The following TRHDE variants were observed in gnomAD, a reference collection of about 807,000 sequenced individuals.
The protein encoded by TRHDE is thyrotropin-releasing hormone-degrading ectoenzyme.
Under a neutral mutation model 125.7 loss-of-function variants are expected in TRHDE, and 72 were observed. That is an observed-to-expected ratio of 0.57 (90% CI 0.47 to 0.70). The LOEUF is 0.70. Ranked by LOEUF, TRHDE falls within the 30% of genes least tolerant of loss-of-function variation. The pLI is 0.00. For missense variants in TRHDE, 1,110 were observed against 1,327.1 expected (o/e 0.84, Z 2.54); for synonymous variants, 509 against 509.1 (o/e 1.00, Z 0.00).
rs1033508640 is a variant in TRHDE at position 72,664,019 on chromosome 12, ATTCT to A, written c.*829_*832del. Reference sequence around the variant, plus strand: ...GCTTCAAGGAATTTATCTCAACATTATTCTTTCTATGTCCTAACTAAATTTCTCA... The same window carrying A: ...GCTTCAAGGAATTTATCTCAACATTATTCTATGTCCTAACTAAATTTCTCA... On this transcript the variant is annotated 3_prime_UTR_variant, in exon 19 of 19. Coordinates refer to ENST00000261180, the MANE Select transcript of TRHDE (RefSeq NM_013381.3). 1.1e-4 allele frequency: 16 copies of A among 152,110 alleles called. No individual in the cohort carries two copies. The highest frequency in any genetic ancestry group is 3.6e-4 in the African/African-American group (15 of 41,438). 9.4% of individuals were successfully genotyped at this position (152,110 alleles called of 1,614,324 possible).
At chr12:72,372,438 G>C (rs960629802) in intron 2 of TRHDE, among the ~76,000 whole-genome samples, 1 of 152,066 alleles carries the variant, frequency 6.6e-6, no homozygotes, top group Non-Finnish European at 1.5e-5. Flanking sequence ...CATTGCTTTT[G>C]GTGTTTTAGA....
intron 2 of TRHDE, among the ~76,000 whole-genome samples, chr12:72,364,240 A>T (rs1283195567): frequency 6.6e-6 from 1 of 152,038 alleles, no homozygotes; most frequent in Non-Finnish European, 1.5e-5. Flanking sequence ...AGGTATGAGA[A>T]CTGATACAAT....
chr12:72,248,945 A>G (rs1344942481), intron 2 of TRHDE, among the ~76,000 whole-genome samples: 1 of 152,212 alleles, frequency 6.6e-6, no homozygotes, highest in Non-Finnish European at 1.5e-5. Context: ...TTAAAATAAA[A>G]CATAGATCCT....
chr12:72,630,390 T>A lies in TRHDE; in HGVS notation c.2675+8639T>A, dbSNP rs1262672513. Among the ~76,000 whole-genome samples the A allele has an allele frequency of 2.6e-5, 4 of 151,776 alleles. No homozygotes were observed. The East Asian group carries it at 7.8e-4, about 30-fold the overall frequency. On this transcript the variant is annotated intron_variant, in intron 15 of 18. Transcript: ENST00000261180. ...GAGCGCCAAGAATTGCTGGAGCCATTAGAAGCTGGAGAGAGGCATGGGTAT... is the reference window on the plus strand; with the variant it reads ...GAGCGCCAAGAATTGCTGGAGCCATAAGAAGCTGGAGAGAGGCATGGGTAT...
chr12:72,580,680 A>T (rs1871184015), intron 12 of TRHDE, among the ~76,000 whole-genome samples: 1 of 152,188 alleles, frequency 6.6e-6, no homozygotes, highest in South Asian at 2.1e-4. Context: ...ACCTCAGGTG[A>T]TCCACCCACC....
At chr12:72,343,685 T>G (rs1870185024) in intron 2 of TRHDE, among the ~76,000 whole-genome samples, 1 of 152,166 alleles carries the variant, frequency 6.6e-6, no homozygotes, top group South Asian at 2.1e-4. Context: ...TTCTTCTCAA[T>G]GGATATACTT....
chr12:72,550,841 A>G (rs2135997282), intron 7 of TRHDE, among the ~76,000 whole-genome samples: 1 of 152,122 alleles, frequency 6.6e-6, no homozygotes, highest in East Asian at 1.9e-4. Flanking sequence ...ATACTACACT[A>G]AGTAAACAGG....
chr12:72,111,016 T>C (rs1875303344), intron 2 of TRHDE, among the ~76,000 whole-genome samples: 1 of 152,150 alleles, frequency 6.6e-6, no homozygotes, highest in African/African-American at 2.4e-5. Flanking sequence ...AGACTCTAGT[T>C]CAGCAGAGGG....
chr12:72,152,511 C>G (rs968404475), intron 2 of TRHDE, among the ~76,000 whole-genome samples: 2 of 152,134 alleles, frequency 1.3e-5, no homozygotes, highest in African/African-American at 4.8e-5. Flanking sequence ...TTTGTCCATT[C>G]AGTATGATAT....
intron 2 of TRHDE, among the ~76,000 whole-genome samples, chr12:72,134,061 A>T (rs1419855220): frequency 6.6e-6 from 1 of 152,228 alleles, no homozygotes; most frequent in African/African-American, 2.4e-5. Flanking sequence ...AATAAACATT[A>T]ATATCTTATG....
At chr12:72,230,373 C>T (rs1394613820) in intron 2 of TRHDE, among the ~76,000 whole-genome samples, 1 of 152,116 alleles carries the variant, frequency 6.6e-6, no homozygotes, top group Non-Finnish European at 1.5e-5. Context: ...TTACTTCTTA[C>T]ATGAATGCAT....
chr12:72,405,472 G>A (rs890848505), intron 3 of TRHDE, among the ~76,000 whole-genome samples: 5 of 151,998 alleles, frequency 3.3e-5, no homozygotes, highest in African/African-American at 1.2e-4. Context: ...GGTATCTCTG[G>A]TCTCTAATAT....
At chr12:72,187,780 A>G (rs1022692771) in intron 2 of TRHDE, among the ~76,000 whole-genome samples, 2 of 152,224 alleles carry the variant, frequency 1.3e-5, no homozygotes, top group Admixed American at 6.5e-5. Flanking sequence ...AAGATTAAAC[A>G]TCACATCCAA....
At position 72,436,068 on chromosome 12, in the gene TRHDE, T is replaced by G. The variant is rs184752007; in HGVS notation, c.1316-33690T>G. 2.4e-3 allele frequency among the ~76,000 whole-genome samples: 358 copies of G among 152,242 alleles called. 1 individual carries two copies. The highest frequency in any genetic ancestry group is 7.8e-3 in the African/African-American group (324 of 41,564). On this transcript the variant is annotated intron_variant, in intron 3 of 18. Coordinates refer to ENST00000261180, the MANE Select transcript of TRHDE (RefSeq NM_013381.3). ...AAATACAGGGTCATGTATCTGTCCT[T>G]AGGTGTTTTATTATGTGGAGTTTGA... is the stretch of plus-strand genomic sequence containing the variant.
At chr12:72,154,531 A>G (rs1364589598) in intron 2 of TRHDE, among the ~76,000 whole-genome samples, 1 of 152,184 alleles carries the variant, frequency 6.6e-6, no homozygotes, top group Non-Finnish European at 1.5e-5. Context: ...AGTGGCTGAT[A>G]CTGGTTTTCC....
chr12:72,481,638 C>A (rs1411003223), intron 5 of TRHDE, among the ~76,000 whole-genome samples: 1 of 148,914 alleles, frequency 6.7e-6, no homozygotes, highest in African/African-American at 2.5e-5. Flanking sequence ...GGCAGCTCTT[C>A]TCAACCATTA....
intron 2 of TRHDE, among the ~76,000 whole-genome samples, chr12:72,245,460 A>G (rs1019163663): frequency 6.6e-6 from 1 of 151,990 alleles, no homozygotes; most frequent in African/African-American, 2.4e-5. Flanking sequence ...AAAGCACTCT[A>G]CCATCTCACA....
chr12:72,667,819 G>T lies in TRHDE; in HGVS notation c.*4624G>T, dbSNP rs1247363199. 1 of 151,586 alleles carries T rather than the reference G, an allele frequency of 6.6e-6. No individual in the cohort carries two copies. Among genetic ancestry groups the T allele is most frequent in the East Asian group, 1.9e-4 (1 of 5,162 alleles). The allele number at this position is 151,586 out of a possible 1,614,324, so 9.4% of individuals were successfully genotyped here. Reference sequence around the variant, plus strand: ...AACTCTAATAATTGGAATATAAATTGGGATGGAATTTATCCTTAAGAAAAG... The same window carrying T: ...AACTCTAATAATTGGAATATAAATTTGGATGGAATTTATCCTTAAGAAAAG... On this transcript the variant is annotated 3_prime_UTR_variant, in exon 19 of 19. Transcript: ENST00000261180.
At chr12:72,213,993 G>A (rs1877836528) in intron 2 of TRHDE, among the ~76,000 whole-genome samples, 1 of 151,998 alleles carries the variant, frequency 6.6e-6, no homozygotes, top group South Asian at 2.1e-4. Flanking sequence ...CCTTTTAATC[G>A]TTGGTCAGTG....
Sources: allele counts gnomAD v4.1 joint callset (sites outside exome capture counted in the v4.1 genomes callset), GRCh38; gene constraint gnomAD v4.1.1; transcripts MANE v1.5; gene names NCBI Gene and HGNC (gene_info 2026-07-23, HGNC 2026-07-21).